Variants in DDR2 observed in about 807,000 individuals in gnomAD.
The protein encoded by DDR2 is discoidin domain receptor tyrosine kinase 2, also known as discoidin domain-containing receptor 2.
A neutral mutation model predicts 94.9 loss-of-function variants in DDR2; 27 were observed. The ratio of observed to expected loss-of-function variants is 0.28; its 90% CI spans 0.21 to 0.39. The LOEUF is 0.39. Among genes scored for constraint, DDR2 ranks in the 10% least tolerant of loss-of-function variants. The pLI is 1.00. For synonymous variants in DDR2, 382 were observed against 377.2 expected (o/e 1.01, Z -0.15); for missense variants, 783 against 1,076.0 (o/e 0.73, Z 3.81).
Position 162,770,296 on chromosome 1 carries a change from T to C in DDR2, c.1294-6T>C. The C allele has an allele frequency of 6.2e-7, 1 of 1,613,870 alleles. No homozygotes were observed. Among genetic ancestry groups the C allele is most frequent in the Middle Eastern group, 1.7e-4 (1 of 6,060 alleles). ...ACATGCCTTTCTCCTTGCTCTTCTC[T>C]TCCAGGCTTCTCGGAGGATGCTGGA... On this transcript the variant is annotated splice_polypyrimidine_tract_variant and splice_region_variant and intron_variant, in intron 11 of 17. Coordinates refer to ENST00000367921, the MANE Select transcript of DDR2 (RefSeq NM_006182.4).
intron 2 of DDR2, among the ~76,000 whole-genome samples, chr1:162,672,022 T>C (rs1009708395): frequency 1.3e-5 from 2 of 152,190 alleles, no homozygotes; most frequent in African/African-American, 4.8e-5. Flanking sequence ...CTTGCAGTTT[T>C]CCCTCAACTT....
rs2947615 is a variant in DDR2, at chr1:162,784,125, T to A, written c.*3879T>A. 1 of 152,144 alleles carries A rather than the reference T, an allele frequency of 6.6e-6. No homozygotes were observed. Among genetic ancestry groups the A allele is most frequent in the Non-Finnish European group, 1.5e-5 (1 of 68,022 alleles). The allele number at this position is 152,144 out of a possible 1,614,324, so 9.4% of individuals were successfully genotyped here. On this transcript the variant is annotated 3_prime_UTR_variant, in exon 18 of 18. Transcript: ENST00000367921. The stretch of plus-strand genomic sequence containing the variant: ...ACAGATATGCACCATGTTGGAAACA[T>A]GTGTTTTCCTAGTCCCATCCAGGCT...
chr1:162,650,123 T>C lies in DDR2; in HGVS notation c.-191-5088T>C, dbSNP rs58693302. On this transcript the variant is annotated intron_variant, in intron 1 of 17. Transcript: ENST00000367921. ...CTTAATCTGTCTCAGACTTTAATTA[T>C]TGCATTTATGTAGTTGAAGTTCAAA... is the stretch of plus-strand genomic sequence containing the variant. Among the ~76,000 whole-genome samples, 724 of 152,304 alleles carry C rather than the reference T, an allele frequency of 4.8e-3. 4 individuals carry two copies. The highest frequency in any genetic ancestry group is 0.017 in the African/African-American group (686 of 41,550).
chr1:162,700,231 T>C (rs926584897), intron 2 of DDR2, among the ~76,000 whole-genome samples: 6 of 152,100 alleles, frequency 3.9e-5, no homozygotes, highest in Non-Finnish European at 5.9e-5. Flanking sequence ...TTGGCGACAA[T>C]ATCCTGGCTT....
chr1:162,705,337 T>C (rs192942912), intron 2 of DDR2, among the ~76,000 whole-genome samples: 1 of 152,354 alleles, frequency 6.6e-6, no homozygotes, highest in East Asian at 1.9e-4. Flanking sequence ...TGAAAGCGAC[T>C]GTGTGGGCTT....
chr1:162,759,414 C>G (rs1453937262), intron 7 of DDR2, among the ~76,000 whole-genome samples: 1 of 152,056 alleles, frequency 6.6e-6, no homozygotes, highest in Non-Finnish European at 1.5e-5. Flanking sequence ...CTCATTTACT[C>G]TATGAATTAG....
intron 2 of DDR2, among the ~76,000 whole-genome samples, chr1:162,690,748 G>A (rs1227860892): frequency 6.6e-6 from 1 of 152,168 alleles, no homozygotes; most frequent in Non-Finnish European, 1.5e-5. Flanking sequence ...ATAATAGTGA[G>A]TAATTTTTGT....
Position 162,740,851 on chromosome 1 carries a change from C to T in DDR2, c.83-12244C>T, listed in dbSNP as rs866508153. 4.6e-5 allele frequency among the ~76,000 whole-genome samples: 7 copies of T among 152,240 alleles called. No individual in the cohort carries two copies. The South Asian group carries it at 1.2e-3, about 27-fold the overall frequency. ...GTTGGAGATAGGACTGGACTCTGAA[C>T]ACAGCGTTGGTTTCAGAAGAGAGAG... On this transcript the variant is annotated intron_variant, in intron 3 of 17. Transcript: ENST00000367921.
intron 3 of DDR2, among the ~76,000 whole-genome samples, chr1:162,750,417 C>T (rs1012957174): frequency 2.6e-5 from 4 of 152,168 alleles, no homozygotes; most frequent in Middle Eastern, 3.4e-3. Flanking sequence ...GAATAAAATA[C>T]CTAGGAATCC....
chr1:162,687,714 G>C (rs916973011), intron 2 of DDR2, among the ~76,000 whole-genome samples: 2 of 152,134 alleles, frequency 1.3e-5, no homozygotes, highest in African/African-American at 4.8e-5. Flanking sequence ...AGAACCAGGG[G>C]GATGCTGCCT....
intron 1 of DDR2, among the ~76,000 whole-genome samples, chr1:162,642,690 G>A (rs921390589): frequency 3.3e-5 from 5 of 152,240 alleles, no homozygotes; most frequent in Middle Eastern, 6.8e-3. Context: ...TACAGGCAGT[G>A]CTGGTGTCTT....
chr1:162,775,251 T>C (rs2102193841), intron 14 of DDR2, among the ~76,000 whole-genome samples: 1 of 24,802 alleles, frequency 4.0e-5, no homozygotes, highest in South Asian at 2.8e-3. Flanking sequence ...AGTGACTCCA[T>C]GGCTTTAAAA....
chr1:162,779,021 C>A (rs565287970), intron 17 of DDR2, among the ~76,000 whole-genome samples: 1 of 152,292 alleles, frequency 6.6e-6, no homozygotes, highest in African/African-American at 2.4e-5. Flanking sequence ...CATGATTTAT[C>A]TATTTCTTGA....
At chr1:162,779,824 T>C (rs1647796849) in intron 17 of DDR2, among the ~76,000 whole-genome samples, 1 of 152,212 alleles carries the variant, frequency 6.6e-6, no homozygotes, top group Non-Finnish European at 1.5e-5. Context: ...TGGTCTCTTT[T>C]TGGTTGTTTC....
chr1:162,787,184 T>A lies in DDR2; in HGVS notation c.*6938T>A. The stretch of plus-strand genomic sequence containing the variant: ...TGGTAGATAAATCACAGGGCCAAGG[T>A]TTGGCAGGGATAGATGGGATCATTG... On this transcript the variant is annotated 3_prime_UTR_variant, in exon 18 of 18. Coordinates refer to ENST00000367921, the MANE Select transcript of DDR2 (RefSeq NM_006182.4). 1 of 152,184 alleles carries A rather than the reference T, an allele frequency of 6.6e-6. No homozygotes were observed. Among genetic ancestry groups the A allele is most frequent in the East Asian group, 1.9e-4 (1 of 5,170 alleles). The allele number at this position is 152,184 out of a possible 1,614,324, so 9.4% of individuals were successfully genotyped here.
intron 2 of DDR2, among the ~76,000 whole-genome samples, chr1:162,687,026 C>G (rs1486524331): frequency 6.6e-6 from 1 of 152,160 alleles, no homozygotes; most frequent in Non-Finnish European, 1.5e-5. Flanking sequence ...TTGGTTGGGG[C>G]TCAGGAGGGC....
chr1:162,746,986 C>A (rs1195777540), intron 3 of DDR2, among the ~76,000 whole-genome samples: 2 of 152,120 alleles, frequency 1.3e-5, no homozygotes, highest in African/African-American at 2.4e-5. Flanking sequence ...ACAAAAAGGA[C>A]ATCCACACCA....
chr1:162,729,290 ATATATATATATTTTTTTTTT>A lies in DDR2; in HGVS notation c.82+10147_82+10166del, dbSNP rs1661880613. Among the ~76,000 whole-genome samples the A allele has an allele frequency of 3.2e-4, 5 of 15,744 alleles. No homozygotes were observed. In the South Asian group the frequency reaches 8.4e-3, roughly 26 times the overall value. The allele number at this position is 15,744 out of a possible 152,430, so 10.3% of individuals were successfully genotyped here. A position where few individuals can be genotyped will look rare whatever the true frequency, so the allele number is the denominator to read the frequency against. The stretch of plus-strand genomic sequence containing the variant: ...GCCAAGCATATCCATTTATATATAT[ATATATATATATTTTTTTTTT>A]TTTTTTTTTTCCTTGGGAGAATAGT... On this transcript the variant is annotated intron_variant, in intron 3 of 17. Transcript: ENST00000367921.
In DDR2 at chr1:162,754,841, C is replaced by T. The variant is rs371333028; in HGVS notation, c.403C>T (p.Arg135Cys). 39 of 1,613,966 alleles carry T rather than the reference C, an allele frequency of 2.4e-5. No individual in the cohort carries two copies. Among genetic ancestry groups the T allele is most frequent in the Admixed American group, 1.5e-4 (9 of 60,000 alleles). The stretch of plus-strand genomic sequence containing the variant: ...CACTCGCTGGATCTCTTGGCGGAAC[C>T]GTCATGGGAAACAGGTAGGAAGAAG... Reference protein sequence around the residue: ...DGTRWISWRNRHGKQVLDGNS... With the variant: ...DGTRWISWRNCHGKQVLDGNS... Residue 135 changes from arginine to cysteine, a missense_variant, in exon 5 of 18, where the codon CGT (arginine) becomes TGT (cysteine). Coordinates refer to ENST00000367921, the MANE Select transcript of DDR2 (RefSeq NM_006182.4).
Sources: gnomAD v4.1 joint callset for allele counts (sites outside exome capture counted in the v4.1 genomes callset) on GRCh38, gnomAD v4.1.1 for gene constraint, MANE v1.5 for transcripts, NCBI Gene and HGNC (gene_info 2026-07-23, HGNC 2026-07-21) for gene names.